C8orf34: variants seen among roughly 807,000 people sequenced by gnomAD.
C8orf34 encodes uncharacterized protein C8orf34.
A neutral mutation model predicts 68.3 loss-of-function variants in C8orf34; 65 were observed. The ratio of observed to expected loss-of-function variants is 0.95; its 90% CI spans 0.78 to 1.17. C8orf34 has a LOEUF of 1.17. Among genes scored for constraint, C8orf34 ranks in the 50% most tolerant of loss-of-function variants. C8orf34 has a pLI of 0.00. For missense variants in C8orf34, 664 were observed against 655.4 expected, an observed-to-expected ratio of 1.01 and a Z score of -0.14; for synonymous variants, 244 against 241.2, an observed-to-expected ratio of 1.01 and a Z score of -0.11.
chr8:68,556,420 T>C (rs963411394), intron 7 of C8orf34, among the ~76,000 whole-genome samples: 38 of 151,914 alleles, frequency 2.5e-4, no homozygotes, highest in African/African-American at 9.2e-4. Context: ...TTCTAAATAA[T>C]TTTTTGTGAT....
At chr8:68,809,398 G>T (rs1035447034) in intron 12 of C8orf34, among the ~76,000 whole-genome samples, 3 of 152,014 alleles carry the variant, frequency 2.0e-5, no homozygotes, top group African/African-American at 7.2e-5. Flanking sequence ...CTAATTTGGG[G>T]CAAAAAGAGT....
At chr8:68,793,078 A>C (rs890415042) in intron 12 of C8orf34, among the ~76,000 whole-genome samples, 2 of 152,168 alleles carry the variant, frequency 1.3e-5, no homozygotes, top group Non-Finnish European at 2.9e-5. Flanking sequence ...GTGACTAAAA[A>C]ATTTTCCAGA....
intron 2 of C8orf34, among the ~76,000 whole-genome samples, chr8:68,445,686 T>C (rs1185718859): frequency 6.6e-6 from 1 of 152,250 alleles, no homozygotes; most frequent in Non-Finnish European, 1.5e-5. Flanking sequence ...TGAAATTTAC[T>C]GAAATGTTTA....
In C8orf34 at chr8:68,744,706, C is replaced by G. The variant is rs1353597444; in HGVS notation, c.1404+23269C>G. ...AGAAAAAAGAATAAAAAGAAACGAG[C>G]AAAGCCTCCAAGAAATATGGGACTA... On this transcript the variant is annotated intron_variant, in intron 10 of 13. Transcript: ENST00000518698. Among the ~76,000 whole-genome samples, 29 of 152,270 alleles carry G rather than the reference C, an allele frequency of 1.9e-4. No homozygotes were observed. The East Asian group carries it at 5.2e-3, about 27-fold the overall frequency.
chr8:68,569,100 A>G (rs1037695396), intron 7 of C8orf34, among the ~76,000 whole-genome samples: 14 of 152,170 alleles, frequency 9.2e-5, no homozygotes, highest in African/African-American at 3.1e-4. Context: ...CTCCTGATTT[A>G]TTGACTCTTA....
intron 1 of C8orf34, among the ~76,000 whole-genome samples, chr8:68,369,943 C>G (rs182683416): frequency 6.6e-6 from 1 of 152,160 alleles, no homozygotes; most frequent in African/African-American, 2.4e-5. Context: ...ACCCCTCTCA[C>G]GCAGGGAAGC....
At chr8:68,681,460 A>G (rs576930417) in intron 8 of C8orf34, among the ~76,000 whole-genome samples, 22 of 152,236 alleles carry the variant, frequency 1.4e-4, no homozygotes, top group African/African-American at 4.3e-4. Context: ...ATCTACAATG[A>G]GATGTTATCT....
At chr8:68,361,147 C>T (rs1806977936) in intron 1 of C8orf34, among the ~76,000 whole-genome samples, 1 of 152,020 alleles carries the variant, frequency 6.6e-6, no homozygotes, top group Non-Finnish European at 1.5e-5. Flanking sequence ...GTGGAGTGCC[C>T]ATGAGAATAG....
chr8:68,817,405 G>A (rs1196995646), intron 13 of C8orf34, among the ~76,000 whole-genome samples: 1 of 152,078 alleles, frequency 6.6e-6, no homozygotes, highest in African/African-American at 2.4e-5. Flanking sequence ...TAAAAAGTGT[G>A]TGCAAAAACA....
intron 1 of C8orf34, among the ~76,000 whole-genome samples, chr8:68,355,722 G>C (rs1238952552): frequency 2.0e-5 from 3 of 152,150 alleles, no homozygotes; most frequent in African/African-American, 7.2e-5. Flanking sequence ...AGGGCAAAGT[G>C]TACGTGTCTG....
intron 10 of C8orf34, among the ~76,000 whole-genome samples, chr8:68,768,991 G>A (rs1021710436): frequency 1.3e-5 from 2 of 151,226 alleles, no homozygotes; most frequent in East Asian, 1.9e-4. Flanking sequence ...TTTAAAAATC[G>A]TGTGGTCTTT....
chr8:68,371,557 C>T (rs1279898663), intron 1 of C8orf34, among the ~76,000 whole-genome samples: 2 of 150,842 alleles, frequency 1.3e-5, no homozygotes, highest in Non-Finnish European at 2.9e-5. Flanking sequence ...ATGACTTGGG[C>T]TGAGAGTTTA....
chr8:68,767,480 A>G (rs1323142073), intron 10 of C8orf34, among the ~76,000 whole-genome samples: 1 of 152,202 alleles, frequency 6.6e-6, no homozygotes, highest in Non-Finnish European at 1.5e-5. Context: ...AGAATGCAGG[A>G]CATTTGACCT....
chr8:68,699,767 T>C (rs1263019393), intron 8 of C8orf34, among the ~76,000 whole-genome samples: 2 of 152,118 alleles, frequency 1.3e-5, no homozygotes, highest in Admixed American at 1.3e-4. Flanking sequence ...AGGAAAGTAA[T>C]TAGCAGTCCA....
intron 10 of C8orf34, among the ~76,000 whole-genome samples, chr8:68,731,535 T>C (rs1433697237): frequency 6.6e-6 from 1 of 152,216 alleles, no homozygotes; most frequent in Non-Finnish European, 1.5e-5. Context: ...TAAAATTGAA[T>C]ATGAAAAGCC....
intron 1 of C8orf34, among the ~76,000 whole-genome samples, chr8:68,363,269 TG>T (rs1267556488): frequency 1.8e-5 from 1 of 54,700 alleles, no homozygotes; most frequent in African/African-American, 7.6e-5. Context: ...TACGTCTGAT[TG>T]GTGTACCTGA....
intron 12 of C8orf34, among the ~76,000 whole-genome samples, chr8:68,808,391 C>A (rs1180603495): frequency 6.6e-6 from 1 of 151,720 alleles, no homozygotes; most frequent in Non-Finnish European, 1.5e-5. Flanking sequence ...TTTATTTTTG[C>A]CAAACATAGT....
intron 7 of C8orf34, among the ~76,000 whole-genome samples, chr8:68,615,658 T>G (rs1481081454): frequency 6.6e-6 from 1 of 152,248 alleles, no homozygotes; most frequent in Non-Finnish European, 1.5e-5. Context: ...TCATGGTGGA[T>G]AAGCTTTTTG....
At chr8:68,589,588 T>TGAAGGAAG (rs370192284) in intron 7 of C8orf34, among the ~76,000 whole-genome samples, 1 of 130,574 alleles carries the variant, frequency 7.7e-6, no homozygotes, top group African/African-American at 2.9e-5. Flanking sequence ...GAAGGAAGGA[T>TGAAGGAAG]GAAGGAAGGA....
Sources: allele counts gnomAD v4.1 joint callset (sites outside exome capture counted in the v4.1 genomes callset), GRCh38; gene constraint gnomAD v4.1.1; transcripts MANE v1.5; gene names NCBI Gene and HGNC (gene_info 2026-07-23, HGNC 2026-07-21).